BCL6: variants seen among roughly 807,000 people sequenced by gnomAD.
BCL6 encodes the protein BCL6 transcription repressor.
A neutral mutation model predicts 59.5 loss-of-function variants in BCL6; 7 were observed. That is an observed-to-expected ratio of 0.12 (90% CI 0.07 to 0.22). The LOEUF is 0.22. Ranked by LOEUF, BCL6 falls within the 10% of genes least tolerant of loss-of-function variation. BCL6 has a pLI of 1.00. For synonymous variants in BCL6, 339 were observed against 349.7 expected (o/e 0.97, Z 0.34); for missense variants, 685 against 939.4 (o/e 0.73, Z 3.54).
At chr3:187,733,788 G>C (rs747370450) in intron 2 of BCL6, 85 bp from the exon 3 acceptor site, 7 of 1,449,140 alleles carry the variant, frequency 4.8e-6, no homozygotes, top group South Asian at 1.2e-5. Flanking sequence ...GGCTTAGCCT[G>C]CTAAGGTACA....
chr3:187,745,203 T>A (rs994308129), intron 1 of BCL6, among the ~76,000 whole-genome samples: 1 of 152,144 alleles, frequency 6.6e-6, no homozygotes, highest in Admixed American at 6.5e-5. Flanking sequence ...TTTTAACACC[T>A]GACAGCTAGA....
intron 1 of BCL6, chr3:187,735,953 C>T (rs766781244): frequency 6.6e-6 from 1 of 152,190 alleles, no homozygotes; most frequent in Non-Finnish European, 1.5e-5. Context: ...TCTTCTGGCT[C>T]AAATTCCTGT....
In BCL6 at chr3:187,729,139, G is replaced by C. The variant is rs1369675066; in HGVS notation, c.1266C>G (p.Asn422Lys). 2 of 1,598,662 alleles carry C rather than the reference G, an allele frequency of 1.3e-6. No individual in the cohort carries two copies. The highest frequency in any genetic ancestry group is 1.7e-6 in the Non-Finnish European group (2 of 1,170,946). Residue 422 changes from asparagine (N) to lysine (K), a missense_variant, in exon 5 of 10, where the codon AAC becomes AAG. By Grantham distance (94) the Asn-to-Lys change is moderately conservative. Coordinates refer to ENST00000406870, the MANE Select transcript of BCL6 (RefSeq NM_001706.5). The surrounding 1 kb of genome is among the most constrained non-coding windows in gnomAD (Gnocchi z 5.6). ...PACQPPMEPE[N>K]LDLQSPTKLS... ...GCTTGGTTGGGGACTGGAGGTCAAG[G>C]TTCTCAGGCTCCATGGGTGGCTGGC...
At chr3:187,724,639 T>G in intron 9 of BCL6, 1 of 365,412 alleles carries the variant, frequency 2.7e-6, no homozygotes. Context: ...CTAGGTGGAG[T>G]GAATCAAGTC....
chr3:187,725,430 G>A lies in BCL6; in HGVS notation c.1839+69C>T, dbSNP rs1579804659. 1.9e-6 allele frequency: 3 copies of A among 1,580,154 alleles called. No individual in the cohort carries two copies. Among genetic ancestry groups the A allele is most frequent in the Non-Finnish European group, 2.6e-6 (3 of 1,162,608 alleles). On this transcript the variant is annotated intron_variant, in intron 8 of 9. Coordinates refer to ENST00000406870, the MANE Select transcript of BCL6 (RefSeq NM_001706.5). This position sits in a 1 kb window ranked among gnomAD's most constrained non-coding sequence, Gnocchi z 4.7. The stretch of plus-strand genomic sequence containing the variant: ...TGCCTGCCCACTCCTCCGCTTGCCT[G>A]CCCACTCCTCCGCTCGCCTGCCCGC...
intron 1 of BCL6, among the ~76,000 whole-genome samples, 198 bp downstream of exon 1, chr3:187,745,212 G>GAATAAATA: frequency 6.6e-6 from 1 of 151,906 alleles, no homozygotes; most frequent in Non-Finnish European, 1.5e-5. Context: ...CTGACAGCTA[G>GAATAAATA]AATAAATAAA....
intron 1 of BCL6, among the ~76,000 whole-genome samples, chr3:187,743,607 C>A (rs1422945151): frequency 6.6e-6 from 1 of 152,142 alleles, no homozygotes; most frequent in East Asian, 1.9e-4. Flanking sequence ...AACACTAGTT[C>A]CATTTTTCGC....
intron 1 of BCL6, among the ~76,000 whole-genome samples, chr3:187,737,433 G>A (rs998061688): frequency 1.4e-4 from 21 of 151,560 alleles, no homozygotes; most frequent in Non-Finnish European, 2.2e-4. Flanking sequence ...TTAAGAGCCA[G>A]AGAGCAAGCC....
intron 4 of BCL6, 24 bp from the exon 5 acceptor site, chr3:187,730,045 G>A (rs903697475): frequency 1.3e-6 from 2 of 1,527,920 alleles, no homozygotes; most frequent in African/African-American, 2.8e-5. Flanking sequence ...AAAGAGGAAA[G>A]ACACCGGCCC....
intron 1 of BCL6, among the ~76,000 whole-genome samples, chr3:187,745,029 T>C (rs533982523): frequency 3.3e-5 from 5 of 150,794 alleles, no homozygotes; most frequent in African/African-American, 7.3e-5. Flanking sequence ...ATTCCCCTCC[T>C]TCCTCTCCTC....
In BCL6 at chr3:187,722,327, C is replaced by A. The variant is rs1366090830; in HGVS notation, c.*131G>T. ...AGGCCCCGACCCCCACCACCCCCAA[C>A]CCCCAGCTATGATTTGCACTAGTGG... On this transcript the variant is annotated 3_prime_UTR_variant, in exon 10 of 10. Transcript: ENST00000406870. 15 of 432,190 alleles carry A rather than the reference C, an allele frequency of 3.5e-5. No homozygotes were observed. The highest frequency in any genetic ancestry group is 4.1e-5 in the Non-Finnish European group (13 of 317,890). 26.8% of individuals were successfully genotyped at this position (432,190 alleles called of 1,614,324 possible). A position where few individuals can be genotyped will look rare whatever the true frequency, so the allele number is the denominator to read the frequency against.
At chr3:187,738,130 G>A (rs1719378168) in intron 1 of BCL6, among the ~76,000 whole-genome samples, 1 of 152,208 alleles carries the variant, frequency 6.6e-6, no homozygotes, top group African/African-American at 2.4e-5. Flanking sequence ...GGTCAGACAA[G>A]TTAGTAGCAG....
intron 6 of BCL6, among the ~76,000 whole-genome samples, chr3:187,727,631 C>G (rs1205736221): frequency 6.6e-6 from 1 of 152,206 alleles, no homozygotes; most frequent in Non-Finnish European, 1.5e-5. Flanking sequence ...CAGGAGGGGA[C>G]AGTCCCCGCT....
At chr3:187,737,397 A>AGAGAG (rs1719341870) in intron 1 of BCL6, 1 of 122,836 alleles carries the variant, frequency 8.1e-6, no homozygotes, top group African/African-American at 3.2e-5. Flanking sequence ...GAGAGAGAGA[A>AGAGAG]AATGAGAGAA....
chr3:187,744,314 A>G (rs542746065), intron 1 of BCL6, among the ~76,000 whole-genome samples: 1 of 151,866 alleles, frequency 6.6e-6, no homozygotes, highest in African/African-American at 2.4e-5. Context: ...TGCAGTGCGC[A>G]CCCCTTTCCC....
At chr3:187,745,290 A>T (rs187967938) in intron 1 of BCL6, 120 bp downstream of exon 1, 2 of 399,008 alleles carry the variant, frequency 5.0e-6, no homozygotes, top group Non-Finnish European at 8.9e-6. Flanking sequence ...AGAGCGGAAA[A>T]AAAAAGAATT....
At chr3:187,726,685 C>A in intron 7 of BCL6, 46 bp downstream of exon 7, 3 of 1,599,896 alleles carry the variant, frequency 1.9e-6, no homozygotes, top group South Asian at 2.2e-5. Context: ...CCCTGTCCTG[C>A]CCCAATAATT....
At chr3:187,740,905 G>A (rs1711563593) in intron 1 of BCL6, among the ~76,000 whole-genome samples, 2 of 152,252 alleles carry the variant, frequency 1.3e-5, no homozygotes, top group African/African-American at 4.8e-5. Context: ...AAACTTTGGA[G>A]GTTGTATGCC....
At chr3:187,732,381 T>C (rs2108470196) in intron 3 of BCL6, 1 of 436,660 alleles carries the variant, frequency 2.3e-6, no homozygotes, top group Non-Finnish European at 4.6e-6. Context: ...AATTTGGCTA[T>C]GAATGACAAA....
Sources: gnomAD v4.1 joint callset for allele counts (sites outside exome capture counted in the v4.1 genomes callset) on GRCh38, gnomAD v4.1.1 for gene constraint, Gnocchi (gnomAD v3.1) non-coding constraint, MANE v1.5 for transcripts, NCBI Gene and HGNC (gene_info 2026-07-23, HGNC 2026-07-21) for gene names.